BBX: variants seen among roughly 807,000 people sequenced by gnomAD.
BBX encodes the protein BBX high mobility group box domain containing.
Under a neutral mutation model 100.2 loss-of-function variants are expected in BBX, and 30 were observed. The observed-to-expected ratio is 0.30, with a 90% CI of 0.22 to 0.41. BBX has a LOEUF of 0.41. Ranked by LOEUF, BBX falls within the 10% of genes least tolerant of loss-of-function variation. The pLI, the probability that BBX is intolerant of heterozygous loss-of-function variation, is 1.00. For synonymous variants in BBX, 376 were observed against 388.1 expected (o/e 0.97, Z 0.37); for missense variants, 1,023 against 1,129.8 (o/e 0.91, Z 1.35).
chr3:107,727,581 G>T (rs561659192), intron 5 of BBX, among the ~76,000 whole-genome samples: 1 of 152,052 alleles, frequency 6.6e-6, no homozygotes, highest in African/African-American at 2.4e-5. Flanking sequence ...TAAAAAAATG[G>T]ATTATTCAGA....
intron 13 of BBX, 46 bp downstream of exon 13, chr3:107,778,565 G>T (rs2067521048): frequency 6.3e-7 from 1 of 1,594,436 alleles, no homozygotes; most frequent in African/African-American, 1.4e-5. Flanking sequence ...AGAATCTCAA[G>T]TGACCCTTCA....
At chr3:107,793,850 A>G (rs953133496) in intron 15 of BBX, among the ~76,000 whole-genome samples, 1 of 152,090 alleles carries the variant, frequency 6.6e-6, no homozygotes, top group African/African-American at 2.4e-5. Context: ...GCACCTTGCA[A>G]TCTTTCTTTT....
intron 2 of BBX, among the ~76,000 whole-genome samples, chr3:107,630,508 G>A (rs920397305): frequency 2.6e-5 from 4 of 152,114 alleles, no homozygotes; most frequent in African/African-American, 9.7e-5. Context: ...ATGACGTTCA[G>A]TTTTCAGATA....
intron 8 of BBX, among the ~76,000 whole-genome samples, chr3:107,747,084 T>C (rs2064678396): frequency 1.3e-5 from 2 of 152,142 alleles, no homozygotes. Context: ...GCTCCCAAAA[T>C]GTCCTTGAAA....
At chr3:107,714,939 C>G (rs2061997805) in intron 4 of BBX, among the ~76,000 whole-genome samples, 1 of 152,104 alleles carries the variant, frequency 6.6e-6, no homozygotes, top group African/African-American at 2.4e-5. Context: ...GCACGCGCCA[C>G]CATGCCCAGC....
rs193010697 is a variant in BBX, at chr3:107,585,264, G to A, written c.-84+58866G>A. Reference sequence around the variant, plus strand: ...GAAGGGTCAGAGCCATCTAACAGTGGGTTGAGGAGAGAGAAGGAAGAAAAA... The same window carrying A: ...GAAGGGTCAGAGCCATCTAACAGTGAGTTGAGGAGAGAGAAGGAAGAAAAA... On this transcript the variant is annotated intron_variant, in intron 2 of 17. Transcript: ENST00000325805. 2.1e-3 allele frequency among the ~76,000 whole-genome samples: 323 copies of A among 152,250 alleles called. 2 individuals are homozygous for A. Among genetic ancestry groups the A allele is most frequent in the African/African-American group, 7.6e-3 (316 of 41,526 alleles).
chr3:107,555,833 A>G (rs1488853130), intron 2 of BBX, among the ~76,000 whole-genome samples: 1 of 152,224 alleles, frequency 6.6e-6, no homozygotes, highest in Non-Finnish European at 1.5e-5. Context: ...AAATTTCTGT[A>G]TGAATAGTCC....
intron 2 of BBX, among the ~76,000 whole-genome samples, chr3:107,619,798 A>G (rs148226956): frequency 1.1e-4 from 17 of 152,240 alleles, no homozygotes; most frequent in Non-Finnish European, 2.2e-4. Flanking sequence ...CTAATGAGGA[A>G]TCTGTCATTT....
chr3:107,546,061 A>C (rs1474072230), intron 2 of BBX, among the ~76,000 whole-genome samples: 1 of 152,144 alleles, frequency 6.6e-6, no homozygotes, highest in African/African-American at 2.4e-5. Context: ...TGCTTAACCC[A>C]CTGGCTACTG....
At chr3:107,805,277 C>T (rs1248333439) in intron 17 of BBX, 93 bp from the exon 18 acceptor site, 1 of 1,347,592 alleles carries the variant, frequency 7.4e-7, no homozygotes, top group Non-Finnish European at 1.0e-6. Flanking sequence ...AACTGTTAAA[C>T]AAGATATTGG....
chr3:107,523,218 A>G (rs1021514071), intron 1 of BBX, 111 bp downstream of exon 1: 26 of 217,958 alleles, frequency 1.2e-4, no homozygotes, highest in Middle Eastern at 1.7e-3. Flanking sequence ...CGGCAGGAGC[A>G]GCGGCGGCGG....
At position 107,595,165 on chromosome 3, in the gene BBX, C is replaced by G. The variant is rs553792009; in HGVS notation, c.-83-50671C>G. 4.6e-5 allele frequency among the ~76,000 whole-genome samples: 7 copies of G among 152,340 alleles called. No homozygotes were observed. In the South Asian group the frequency reaches 1.4e-3, roughly 32 times the overall value. On this transcript the variant is annotated intron_variant, in intron 2 of 17. Transcript: ENST00000325805. ...AGGCTTGAGTTCTAGTTTTGACTTT[C>G]ATCTGCTGCCTTTGTGACCTTGAGC...
chr3:107,597,770 G>T (rs140377643), intron 2 of BBX, among the ~76,000 whole-genome samples: 1 of 152,314 alleles, frequency 6.6e-6, no homozygotes, highest in East Asian at 1.9e-4. Flanking sequence ...AAAGAAGAGT[G>T]ATTGATTAGG....
Position 107,773,243 on chromosome 3 carries a change from C to T in BBX, c.1522C>T (p.Arg508Cys), listed in dbSNP as rs200119860. 12 of 1,613,962 alleles carry T rather than the reference C, an allele frequency of 7.4e-6. No homozygotes were observed. Among genetic ancestry groups the T allele is most frequent in the Admixed American group, 1.7e-5 (1 of 60,000 alleles). ...CATAGAGAAACTTGGAGATACCCCTCGCAAGAAGGTCCGCACATCCTCAAG... is the reference window on the plus strand; with the variant it reads ...CATAGAGAAACTTGGAGATACCCCTTGCAAGAAGGTCCGCACATCCTCAAG... ...WGIEKLGDTP[R>C]KKVRTSSSGK... The change falls in exon 11 of 18, where the codon CGC becomes TGC. Residue 508 changes from arginine (R) to cysteine (C), a missense_variant. This residue lies in a region of BBX where 348 missense variants were observed against 353.2 expected (regional missense o/e 0.99). Transcript: ENST00000325805. The surrounding 1 kb of genome is among the most constrained non-coding windows in gnomAD (Gnocchi z 4.1).
intron 2 of BBX, among the ~76,000 whole-genome samples, chr3:107,623,110 C>G (rs992070636): frequency 6.6e-6 from 1 of 152,148 alleles, no homozygotes; most frequent in African/African-American, 2.4e-5. Context: ...TCCCTCTCTG[C>G]CATCGACGCA....
rs149586192 is a variant in BBX, at chr3:107,714,630, T to C, written c.163-1977T>C. Among the ~76,000 whole-genome samples the C allele has an allele frequency of 2.9e-3, 437 of 152,316 alleles. 3 individuals carry two copies. The highest frequency in any genetic ancestry group is 5.3e-3 in the Non-Finnish European group (360 of 68,028). On this transcript the variant is annotated intron_variant, in intron 4 of 17. Coordinates refer to ENST00000325805, the MANE Select transcript of BBX (RefSeq NM_001142568.3). The stretch of plus-strand genomic sequence containing the variant: ...AAAATGCAAATTATTGTTACCATTA[T>C]ATACATAATGAGGAAGATAAATATG...
intron 2 of BBX, among the ~76,000 whole-genome samples, chr3:107,638,196 T>A (rs1318038484): frequency 6.6e-6 from 1 of 152,132 alleles, no homozygotes; most frequent in Non-Finnish European, 1.5e-5. Flanking sequence ...AGACTATAGG[T>A]GTACATCACT....
chr3:107,777,806 G>A (rs1305121355), intron 12 of BBX, among the ~76,000 whole-genome samples: 1 of 152,060 alleles, frequency 6.6e-6, no homozygotes, highest in Non-Finnish European at 1.5e-5. Flanking sequence ...TGTTTTCCTA[G>A]TATTAATGCT....
At chr3:107,631,082 A>G (rs1348986947) in intron 2 of BBX, among the ~76,000 whole-genome samples, 1 of 152,180 alleles carries the variant, frequency 6.6e-6, no homozygotes, top group Non-Finnish European at 1.5e-5. Flanking sequence ...ATAACACCCC[A>G]TGTCAAAGTG....
Sources: gnomAD v4.1 joint callset for allele counts (sites outside exome capture counted in the v4.1 genomes callset) on GRCh38, gnomAD v4.1.1 for gene constraint, gnomAD v4.1.1 regional missense constraint, Gnocchi (gnomAD v3.1) non-coding constraint, MANE v1.5 for transcripts, NCBI Gene and HGNC (gene_info 2026-07-23, HGNC 2026-07-21) for gene names.